Variants in SLC66A1 observed in about 807,000 individuals in gnomAD.
SLC66A1 encodes the protein lysosomal amino acid transporter 1 homolog.
SLC66A1 carries 23 observed loss-of-function variants against 33.0 expected under a neutral mutation model. That is an observed-to-expected ratio of 0.70 (90% CI 0.50 to 0.99). The LOEUF is 0.99. SLC66A1 is among the 50% of genes least tolerant of loss of function. The pLI, the probability that SLC66A1 is intolerant of heterozygous loss-of-function variation, is 0.00. For missense variants in SLC66A1, 335 were observed against 383.6 expected, an observed-to-expected ratio of 0.87 and a Z score of 1.06; for synonymous variants, 164 against 175.5, an observed-to-expected ratio of 0.93 and a Z score of 0.52.
chr1:19,325,670 G>T, intron 4 of SLC66A1, 88 bp downstream of exon 4: 1 of 1,161,498 alleles, frequency 8.6e-7, no homozygotes. Context: ...GGGAGGAAGC[G>T]GGTTTCCCAT....
At chr1:19,314,028 A>G (rs1296874477) in intron 1 of SLC66A1, among the ~76,000 whole-genome samples, 1 of 152,228 alleles carries the variant, frequency 6.6e-6, no homozygotes, top group Non-Finnish European at 1.5e-5. Flanking sequence ...ATTCCAGGGT[A>G]CCGCTTCTGG....
intron 7 of SLC66A1, 122 bp downstream of exon 7, chr1:19,327,534 T>TCCCTCCCTCCCC: frequency 2.2e-6 from 2 of 908,776 alleles, no homozygotes; most frequent in Non-Finnish European, 1.7e-6. Flanking sequence ...CATCCATCCC[T>TCCCTCCCTCCCC]CCCTCCCTCC....
chr1:19,323,150 A>G (rs1469572784), intron 2 of SLC66A1, among the ~76,000 whole-genome samples: 1 of 151,486 alleles, frequency 6.6e-6, no homozygotes, highest in African/African-American at 2.4e-5. Context: ...AAGTGCTGGG[A>G]TTACAGGTGT....
At position 19,326,640 on chromosome 1, in the gene SLC66A1, G is replaced by A. The variant is rs1569798596; in HGVS notation, c.618+17G>A. 5.0e-6 allele frequency: 8 copies of A among 1,612,380 alleles called. No individual in the cohort carries two copies. Among genetic ancestry groups the A allele is most frequent in the Middle Eastern group, 1.7e-4 (1 of 6,058 alleles). On this transcript the variant is annotated intron_variant, in intron 6 of 7. Coordinates refer to ENST00000375153, the MANE Select transcript of SLC66A1 (RefSeq NM_001040125.2). ...CGCACCAACGTGAGCCTCCAGCAGG[G>A]GCTGGGTGGGGCCGAGTAGAGGAGA...
Position 19,327,513 on chromosome 1 carries a change from A to G in SLC66A1, c.804+101A>G, listed in dbSNP as rs572875703. 887 of 1,150,752 alleles carry G rather than the reference A, an allele frequency of 7.7e-4. 2 individuals are homozygous for G. Among genetic ancestry groups the G allele is most frequent in the Non-Finnish European group, 9.3e-4 (767 of 826,088 alleles). 71.3% of individuals were successfully genotyped at this position (1,150,752 alleles called of 1,614,324 possible). On this transcript the variant is annotated intron_variant, in intron 7 of 7. Coordinates refer to ENST00000375153, the MANE Select transcript of SLC66A1 (RefSeq NM_001040125.2). The stretch of plus-strand genomic sequence containing the variant: ...CATCCGTCTCTTCCTCCCTTCATCC[A>G]TCCGTCCATCCATCCATCCCTCCCT...
chr1:19,327,238 G>A lies in SLC66A1; in HGVS notation c.630G>A (p.Lys210=), dbSNP rs552528238. Residue 210 remains lysine (K), a synonymous_variant, in exon 7 of 8, where the codon AAG becomes AAA. Transcript: ENST00000375153. ...LPQIRTNFLR[K]STQGISYSLF... is the part of the protein sequence containing the mutation. ...TCCTCCTGCCCCAGTTCCTCCGGAA[G>A]TCCACCCAGGGGATCTCCTACTCTC... is the stretch of plus-strand genomic sequence containing the variant. 13 of 1,613,688 alleles carry A rather than the reference G, an allele frequency of 8.1e-6. No homozygotes were observed. The South Asian group carries it at 1.3e-4, about 16-fold the overall frequency.
rs555905176 is a variant in SLC66A1 at position 19,320,575 on chromosome 1, G to A, written c.164+2734G>A. 7.6e-3 allele frequency among the ~76,000 whole-genome samples: 1,142 copies of A among 149,740 alleles called. 10 individuals are homozygous for A. The highest frequency in any genetic ancestry group is 0.027 in the African/African-American group (1,095 of 40,746). On this transcript the variant is annotated intron_variant, in intron 2 of 7. Coordinates refer to ENST00000375153, the MANE Select transcript of SLC66A1 (RefSeq NM_001040125.2). Reference sequence around the variant, plus strand: ...ACTACAGGCACCTGCCACCACGCCTGGCTAATTTTTTGTATTTTTTTAGTA... The same window carrying A: ...ACTACAGGCACCTGCCACCACGCCTAGCTAATTTTTTGTATTTTTTTAGTA...
At chr1:19,314,892 TG>T (rs2093796877) in intron 1 of SLC66A1, among the ~76,000 whole-genome samples, 1 of 131,552 alleles carries the variant, frequency 7.6e-6, no homozygotes, top group African/African-American at 2.9e-5. Flanking sequence ...CTGGACTATA[TG>T]GTTTTTTTTT....
At chr1:19,317,912 A>G in intron 2 of SLC66A1, 71 bp downstream of exon 2, 1 of 1,557,674 alleles carries the variant, frequency 6.4e-7, no homozygotes, top group Non-Finnish European at 8.7e-7. Context: ...GCTACTGCTC[A>G]GCGAGGGGTT....
intron 1 of SLC66A1, 156 bp downstream of exon 1, chr1:19,313,045 G>T (rs2093785458): frequency 5.1e-6 from 1 of 196,574 alleles, no homozygotes; most frequent in South Asian, 1.8e-4. Flanking sequence ...AGTCATTTTG[G>T]GCTGTTGGTG....
At chr1:19,318,331 C>CACA (rs2093816586) in intron 2 of SLC66A1, among the ~76,000 whole-genome samples, 1 of 152,190 alleles carries the variant, frequency 6.6e-6, no homozygotes, top group Admixed American at 6.5e-5. Flanking sequence ...CAGCAGTGAA[C>CACA]ACAACATTGT....
intron 1 of SLC66A1, chr1:19,313,142 C>A (rs1444993992): frequency 7.4e-6 from 7 of 952,182 alleles, no homozygotes; most frequent in Non-Finnish European, 8.8e-6. Context: ...GTGGGTATTG[C>A]ATTATTCCCC....
intron 3 of SLC66A1, among the ~76,000 whole-genome samples, chr1:19,325,036 C>T (rs372141807): frequency 8.5e-5 from 13 of 152,170 alleles, no homozygotes; most frequent in Admixed American, 4.6e-4. Flanking sequence ...GGAGTGCTGG[C>T]GAAGCTTTCA....
intron 1 of SLC66A1, among the ~76,000 whole-genome samples, chr1:19,314,554 C>A (rs1006772180): frequency 6.6e-6 from 1 of 152,210 alleles, no homozygotes; most frequent in African/African-American, 2.4e-5. Flanking sequence ...TGAAAACAGT[C>A]GCTGCCATGT....
chr1:19,313,507 T>C (rs558052178), intron 1 of SLC66A1, among the ~76,000 whole-genome samples: 2 of 152,322 alleles, frequency 1.3e-5, no homozygotes, highest in African/African-American at 4.8e-5. Flanking sequence ...GGTAGCGTTC[T>C]TCAGGTGTGT....
chr1:19,320,197 G>A (rs947075410), intron 2 of SLC66A1, among the ~76,000 whole-genome samples: 6 of 151,838 alleles, frequency 4.0e-5, no homozygotes, highest in South Asian at 2.1e-4. Context: ...CATGGTGCCC[G>A]ACCTTCAGGT....
chr1:19,318,281 C>A (rs1357117263), intron 2 of SLC66A1, among the ~76,000 whole-genome samples: 1 of 152,170 alleles, frequency 6.6e-6, no homozygotes, highest in Non-Finnish European at 1.5e-5. Flanking sequence ...CAAACACAAC[C>A]TCTGTCCTCC....
At chr1:19,322,908 G>A (rs572619021) in intron 2 of SLC66A1, among the ~76,000 whole-genome samples, 2 of 151,452 alleles carry the variant, frequency 1.3e-5, no homozygotes, top group Non-Finnish European at 2.9e-5. Context: ...TTGAGACAAG[G>A]TCTCACTGTG....
At chr1:19,331,155 G>C (rs1005063489), downstream of SLC66A1, among the ~76,000 whole-genome samples, 1 of 152,170 alleles carries the variant, frequency 6.6e-6, no homozygotes, top group African/African-American at 2.4e-5. Flanking sequence ...GGGATTACAG[G>C]CGCCTGCCGC....
Sources: gnomAD v4.1 joint callset for allele counts (sites outside exome capture counted in the v4.1 genomes callset) on GRCh38, gnomAD v4.1.1 for gene constraint, MANE v1.5 for transcripts, NCBI Gene and HGNC (gene_info 2026-07-23, HGNC 2026-07-21) for gene names.